RIT2: variants seen among roughly 807,000 people sequenced by gnomAD.
RIT2 encodes the protein Ras like without CAAX 2.
In RIT2, 24 loss-of-function variants were observed where a neutral mutation model predicts 23.7. That is an observed-to-expected ratio of 1.01 (90% confidence interval 0.73 to 1.43). The LOEUF is 1.43. Among genes scored for constraint, RIT2 ranks in the 40% most tolerant of loss-of-function variants. RIT2 has a pLI of 0.00. For missense variants in RIT2, 236 were observed against 266.9 expected, an observed-to-expected ratio of 0.88 and a Z score of 0.81; for synonymous variants, 107 against 91.1, an observed-to-expected ratio of 1.17 and a Z score of -0.99.
intron 4 of RIT2, among the ~76,000 whole-genome samples, chr18:42,837,147 CTTTT>C (rs1196949759): frequency 2.1e-5 from 1 of 48,716 alleles, no homozygotes; most frequent in African/African-American, 5.9e-5. Context: ...CTTTTTTTTT[CTTTT>C]TCTTTTTTTT....
At chr18:42,744,323 T>TA (rs1189884262) in intron 4 of RIT2, among the ~76,000 whole-genome samples, 1 of 152,184 alleles carries the variant, frequency 6.6e-6, no homozygotes, top group East Asian at 1.9e-4. Context: ...CAGTCACATT[T>TA]AAAAATATAT....
At chr18:42,951,592 G>GAAA (rs575305060) in intron 3 of RIT2, among the ~76,000 whole-genome samples, 1 of 144,516 alleles carries the variant, frequency 6.9e-6, no homozygotes, top group African/African-American at 2.7e-5. Context: ...AGTTAAAAAA[G>GAAA]AAAAAAATAT....
At chr18:43,052,466 G>A (rs1425180145) in intron 1 of RIT2, among the ~76,000 whole-genome samples, 1 of 151,852 alleles carries the variant, frequency 6.6e-6, no homozygotes, top group Non-Finnish European at 1.5e-5. Context: ...ATACTTCACG[G>A]GCTTTATCAT....
chr18:42,990,492 A>C (rs1348907577), intron 2 of RIT2, among the ~76,000 whole-genome samples: 1 of 152,218 alleles, frequency 6.6e-6, no homozygotes, highest in East Asian at 1.9e-4. Context: ...GCACTTGCCC[A>C]GTCAGAAACC....
intron 4 of RIT2, among the ~76,000 whole-genome samples, chr18:42,761,247 T>A (rs955544539): frequency 1.3e-5 from 2 of 152,206 alleles, no homozygotes; most frequent in Non-Finnish European, 2.9e-5. Flanking sequence ...TTTTGTAACT[T>A]CACTAGTCAA....
At chr18:42,913,644 T>C (rs1210858094) in intron 4 of RIT2, among the ~76,000 whole-genome samples, 1 of 152,070 alleles carries the variant, frequency 6.6e-6, no homozygotes, top group South Asian at 2.1e-4. Flanking sequence ...TGATTTCACT[T>C]ATACATGGAA....
At chr18:43,083,479 A>ATACT (rs1216154603) in intron 1 of RIT2, among the ~76,000 whole-genome samples, 4 of 152,190 alleles carry the variant, frequency 2.6e-5, no homozygotes, top group Non-Finnish European at 5.9e-5. Context: ...ACTTCAAACT[A>ATACT]TACTAAAAGG....
intron 3 of RIT2, among the ~76,000 whole-genome samples, chr18:42,960,838 T>C (rs1910078989): frequency 6.6e-6 from 1 of 152,210 alleles, no homozygotes; most frequent in African/African-American, 2.4e-5. Flanking sequence ...GAAGGTATAC[T>C]CATCACTTCC....
rs561311908 is a variant in RIT2 at position 42,788,036 on chromosome 18, AATTT to A, written c.427-44320_427-44317del. ...TCAAATTTTAACTTGAAAATTTGAT[AATTT>A]ATTAATTCACATAAAATAACATTAA... On this transcript the variant is annotated intron_variant, in intron 4 of 4. Coordinates refer to ENST00000326695, the MANE Select transcript of RIT2 (RefSeq NM_002930.4). Among the ~76,000 whole-genome samples, 205 of 152,138 alleles carry A rather than the reference AATTT, an allele frequency of 1.3e-3. 1 individual carries two copies. The highest frequency in any genetic ancestry group is 4.4e-3 in the African/African-American group (184 of 41,570).
chr18:42,884,511 T>C (rs1907972298), intron 4 of RIT2, among the ~76,000 whole-genome samples: 3 of 152,208 alleles, frequency 2.0e-5, no homozygotes, highest in Admixed American at 6.5e-5. Context: ...TGTAGACCTG[T>C]TAGTTGTGTC....
chr18:43,064,760 TAAAAATTTAACC>T (rs1912731002), intron 1 of RIT2, among the ~76,000 whole-genome samples: 2 of 152,292 alleles, frequency 1.3e-5, no homozygotes, highest in South Asian at 4.1e-4. Context: ...TCACTTTACC[TAAAAATTTAACC>T]AAAAATTTTA....
intron 1 of RIT2, among the ~76,000 whole-genome samples, chr18:43,054,726 A>C (rs1023927384): frequency 6.6e-6 from 1 of 152,058 alleles, no homozygotes; most frequent in Admixed American, 6.6e-5. Context: ...GCAGAAAATA[A>C]GGTGATTCGC....
intron 2 of RIT2, among the ~76,000 whole-genome samples, chr18:42,997,932 TGAGA>T (rs1015285260): frequency 6.6e-6 from 1 of 152,096 alleles, no homozygotes; most frequent in African/African-American, 2.4e-5. Flanking sequence ...ACTACTGTAT[TGAGA>T]GAGAGAGAAT....
intron 2 of RIT2, among the ~76,000 whole-genome samples, chr18:43,023,863 A>C (rs1315684705): frequency 1.3e-5 from 2 of 152,082 alleles, no homozygotes; most frequent in Non-Finnish European, 2.9e-5. Context: ...TTTGAAAAAA[A>C]GGCATTTGAA....
In RIT2 at chr18:43,077,801, G is replaced by A. The variant is rs554536473; in HGVS notation, c.103+37616C>T. Reference sequence around the variant, plus strand: ...TTTACCTGTGTATTCTTTATTAGATGTTATTAGAGATTAAAACAGTAATGT... The same window carrying A: ...TTTACCTGTGTATTCTTTATTAGATATTATTAGAGATTAAAACAGTAATGT... On this transcript the variant is annotated intron_variant, in intron 1 of 4. Coordinates refer to ENST00000326695, the MANE Select transcript of RIT2 (RefSeq NM_002930.4). Among the ~76,000 whole-genome samples the A allele has an allele frequency of 9.9e-4, 150 of 152,274 alleles. 1 individual carries two copies. Among genetic ancestry groups the A allele is most frequent in the African/African-American group, 3.3e-3 (136 of 41,542 alleles).
intron 4 of RIT2, among the ~76,000 whole-genome samples, chr18:42,794,467 T>C (rs1242708906): frequency 6.6e-6 from 1 of 152,236 alleles, no homozygotes; most frequent in Non-Finnish European, 1.5e-5. Flanking sequence ...AGTTTTGCAT[T>C]AATTACAATG....
At chr18:42,789,608 T>G (rs779086079) in intron 4 of RIT2, among the ~76,000 whole-genome samples, 2 of 152,180 alleles carry the variant, frequency 1.3e-5, no homozygotes, top group African/African-American at 2.4e-5. Flanking sequence ...ATTGTCTTCT[T>G]TATTTTTGTT....
At chr18:42,780,683 G>T (rs1049741015) in intron 4 of RIT2, among the ~76,000 whole-genome samples, 6 of 152,088 alleles carry the variant, frequency 3.9e-5, no homozygotes, top group African/African-American at 1.4e-4. Context: ...TTGCTACAAA[G>T]AATATGTTTT....
At chr18:43,078,954 C>A (rs1300866103) in intron 1 of RIT2, among the ~76,000 whole-genome samples, 1 of 152,176 alleles carries the variant, frequency 6.6e-6, no homozygotes, top group Non-Finnish European at 1.5e-5. Flanking sequence ...GCAGGATCCA[C>A]ACCGTAATTA....
Sources: gnomAD v4.1 joint callset for allele counts (sites outside exome capture counted in the v4.1 genomes callset) on GRCh38, gnomAD v4.1.1 for gene constraint, MANE v1.5 for transcripts, NCBI Gene and HGNC (gene_info 2026-07-23, HGNC 2026-07-21) for gene names.